THADA: variants seen among roughly 807,000 people sequenced by gnomAD.
THADA encodes the protein tRNA (32-2'-O)-methyltransferase regulator THADA.
A neutral mutation model predicts 219.8 loss-of-function variants in THADA; 213 were observed. That is an observed-to-expected ratio of 0.97 (90% CI 0.87 to 1.09). The LOEUF is 1.09. THADA is among the 50% of genes least tolerant of loss of function. The pLI, the probability that THADA is intolerant of heterozygous loss-of-function variation, is 0.00. For synonymous variants in THADA, 1,018 were observed against 828.9 expected, an observed-to-expected ratio of 1.23 and a Z score of -3.92; for missense variants, 2,956 against 2,311.3, an observed-to-expected ratio of 1.28 and a Z score of -5.72.
intron 31 of THADA, among the ~76,000 whole-genome samples, chr2:43,313,654 A>C (rs183543357): frequency 1.1e-4 from 16 of 152,316 alleles, no homozygotes; most frequent in Admixed American, 2.6e-4. Flanking sequence ...ACACACCCTC[A>C]GGATGGGAAA....
intron 30 of THADA, among the ~76,000 whole-genome samples, chr2:43,322,058 CAG>C (rs1475487090): frequency 1.3e-5 from 2 of 151,576 alleles, no homozygotes; most frequent in Non-Finnish European, 2.9e-5. Flanking sequence ...TTTTTTGAGA[CAG>C]AGTCTCGCTC....
At chr2:43,250,170 T>C (rs1454210360) in intron 36 of THADA, among the ~76,000 whole-genome samples, 1 of 152,218 alleles carries the variant, frequency 6.6e-6, no homozygotes, top group Non-Finnish European at 1.5e-5. Context: ...CATTAATGGA[T>C]GAATGGATAA....
chr2:43,510,200 T>C (rs1037125151), intron 22 of THADA, among the ~76,000 whole-genome samples: 6 of 152,250 alleles, frequency 3.9e-5, no homozygotes, highest in East Asian at 1.9e-4. Flanking sequence ...ACTGAGTACA[T>C]AGGAATAAAA....
chr2:43,435,018 G>A (rs976470665), intron 26 of THADA, among the ~76,000 whole-genome samples: 1 of 152,218 alleles, frequency 6.6e-6, no homozygotes, highest in Non-Finnish European at 1.5e-5. Flanking sequence ...GCAGCTGGGC[G>A]CTAAGAAGCG....
intron 28 of THADA, among the ~76,000 whole-genome samples, chr2:43,419,398 T>C (rs1474388492): frequency 6.6e-6 from 1 of 152,150 alleles, no homozygotes; most frequent in Non-Finnish European, 1.5e-5. Context: ...ATGTAACATG[T>C]GTAGCTTGTT....
At chr2:43,405,807 G>A (rs1433774039) in intron 28 of THADA, among the ~76,000 whole-genome samples, 2 of 152,188 alleles carry the variant, frequency 1.3e-5, no homozygotes, top group Middle Eastern at 3.4e-3. Flanking sequence ...GTTTACATAC[G>A]TTACCTATCG....
chr2:43,584,463 A>C (rs995650797), intron 7 of THADA, among the ~76,000 whole-genome samples: 19 of 152,224 alleles, frequency 1.2e-4, no homozygotes, highest in Non-Finnish European at 4.4e-5. Context: ...AAGAGCCAAA[A>C]AGGAGAAAAA....
chr2:43,542,219 C>A (rs1049118150), intron 20 of THADA, among the ~76,000 whole-genome samples: 1 of 151,808 alleles, frequency 6.6e-6, no homozygotes, highest in Non-Finnish European at 1.5e-5. Flanking sequence ...ATTTAAAAAG[C>A]CCAATGCATT....
chr2:43,361,984 G>A (rs976904166), intron 29 of THADA, among the ~76,000 whole-genome samples: 1 of 152,160 alleles, frequency 6.6e-6, no homozygotes, highest in Non-Finnish European at 1.5e-5. Context: ...CACATATCCA[G>A]AGGTATAATT....
chr2:43,584,159 T>C (rs766384259), intron 7 of THADA, among the ~76,000 whole-genome samples: 1 of 150,280 alleles, frequency 6.7e-6, no homozygotes, highest in Non-Finnish European at 1.5e-5. Context: ...GGAAGTAGAA[T>C]AGAGGTTACC....
At chr2:43,335,683 G>C (rs1666331167) in intron 30 of THADA, among the ~76,000 whole-genome samples, 1 of 151,938 alleles carries the variant, frequency 6.6e-6, no homozygotes, top group African/African-American at 2.4e-5. Flanking sequence ...ACTGGGCTGA[G>C]TGTGGTGGCT....
intron 26 of THADA, chr2:43,430,629 G>A (rs1679114705): frequency 2.2e-6 from 1 of 462,078 alleles, no homozygotes; most frequent in African/African-American, 2.0e-5. Context: ...TATAAGTAGA[G>A]TCAACACCAG....
intron 36 of THADA, among the ~76,000 whole-genome samples, chr2:43,274,817 C>T (rs1672528913): frequency 6.6e-6 from 1 of 151,964 alleles, no homozygotes; most frequent in African/African-American, 2.4e-5. Flanking sequence ...CCACTATCCC[C>T]TTTAAAGGTC....
At chr2:43,298,981 G>A (rs922854888) in intron 31 of THADA, among the ~76,000 whole-genome samples, 6 of 152,240 alleles carry the variant, frequency 3.9e-5, no homozygotes, top group South Asian at 4.1e-4. Context: ...AACTTTTTAC[G>A]TGTTGAAATG....
intron 29 of THADA, among the ~76,000 whole-genome samples, chr2:43,371,093 G>C (rs182254425): frequency 7.0e-4 from 107 of 152,300 alleles, no homozygotes; most frequent in Non-Finnish European, 4.7e-4. Context: ...TCTGGAGTTT[G>C]AGTTGTGCCA....
At chr2:43,327,948 T>C (rs1303424311) in intron 30 of THADA, among the ~76,000 whole-genome samples, 2 of 152,204 alleles carry the variant, frequency 1.3e-5, no homozygotes, top group East Asian at 3.8e-4. Context: ...CTTCACATCA[T>C]TGTAACAGCT....
At chr2:43,334,200 G>C (rs1385878118) in intron 30 of THADA, among the ~76,000 whole-genome samples, 1 of 152,120 alleles carries the variant, frequency 6.6e-6, no homozygotes, top group Non-Finnish European at 1.5e-5. Flanking sequence ...AAGGAGAATA[G>C]ATGGGAGTAT....
intron 30 of THADA, among the ~76,000 whole-genome samples, chr2:43,335,992 G>A (rs1430229516): frequency 6.6e-6 from 1 of 151,848 alleles, no homozygotes; most frequent in African/African-American, 2.4e-5. Flanking sequence ...AGCTACTCAG[G>A]AGGCTGAGGC....
At chr2:43,315,640 A>T (rs11678902) in intron 31 of THADA, among the ~76,000 whole-genome samples, 8,920 of 152,004 alleles carry the variant, frequency 0.059, 358 homozygotes, top group South Asian at 0.18. Context: ...AATTAAAAAA[A>T]AAATTCTGTA....
Sources: allele counts gnomAD v4.1 joint callset (sites outside exome capture counted in the v4.1 genomes callset), GRCh38; gene constraint gnomAD v4.1.1; transcripts MANE v1.5; gene names NCBI Gene and HGNC (gene_info 2026-07-23, HGNC 2026-07-21).